The following MRM1 variants were observed in gnomAD, a reference collection of about 807,000 sequenced individuals.
MRM1 encodes mitochondrial rRNA methyltransferase 1, also known as rRNA methyltransferase 1, mitochondrial.
Under a neutral mutation model 25.0 loss-of-function variants are expected in MRM1, and 24 were observed. The observed-to-expected ratio is 0.96, with a 90% CI of 0.69 to 1.35. The LOEUF is 1.35. Among genes scored for constraint, MRM1 ranks in the 40% most tolerant of loss-of-function variants. The pLI, the probability that MRM1 is intolerant of heterozygous loss-of-function variation, is 0.00. For synonymous variants in MRM1, 188 were observed against 199.2 expected (o/e 0.94, Z 0.47); for missense variants, 431 against 464.1 (o/e 0.93, Z 0.65).
the MRM1 span, among the ~76,000 whole-genome samples, chr17:36,625,960 T>C: frequency 6.6e-6 from 1 of 150,482 alleles, no homozygotes; most frequent in African/African-American, 2.5e-5. Flanking sequence ...AAGCCTCCCC[T>C]GATGCTCCTA....
chr17:36,612,073 C>T (rs2074980065), downstream of MRM1, among the ~76,000 whole-genome samples: 3 of 152,174 alleles, frequency 2.0e-5, no homozygotes, highest in African/African-American at 7.2e-5. Context: ...CCAAGCCCAA[C>T]ATGGAATTTA....
the MRM1 span, among the ~76,000 whole-genome samples, chr17:36,616,105 A>G: frequency 6.6e-6 from 1 of 152,108 alleles, no homozygotes; most frequent in East Asian, 1.9e-4. Context: ...TCCCTGCCCC[A>G]CTTAGACCTT....
chr17:36,622,204 C>T, the MRM1 span, among the ~76,000 whole-genome samples: 1 of 152,132 alleles, frequency 6.6e-6, no homozygotes, highest in Non-Finnish European at 1.5e-5. Context: ...CTCCTGCCCC[C>T]TCCTGTCCCT....
At chr17:36,626,500 T>C in the MRM1 span, among the ~76,000 whole-genome samples, 5 of 152,162 alleles carry the variant, frequency 3.3e-5, no homozygotes, top group African/African-American at 1.2e-4. Flanking sequence ...CTAGCTGTGA[T>C]TACAGGCGCC....
In MRM1 at chr17:36,608,401, CA is replaced by C; in HGVS notation, c.1052del (p.Asn351MetfsTer42). The C allele has an allele frequency of 6.4e-7, 1 of 1,574,432 alleles. No homozygotes were observed. The highest frequency in any genetic ancestry group is 8.6e-7 in the Non-Finnish European group (1 of 1,161,654). ...GTCTTCAGGCCCAGAGAAAGAGAGGCAAAATGAGGGCTGACGTGGACTGTCC... is the reference window on the plus strand; with the variant it reads ...GTCTTCAGGCCCAGAGAAAGAGAGGCAAATGAGGGCTGACGTGGACTGTCC... The part of the protein sequence containing the change: ...GLSSGPEKER[Q>X]NEG On this transcript the variant is annotated frameshift_variant, in exon 5 of 5. Coordinates refer to ENST00000614766, the MANE Select transcript of MRM1 (RefSeq NM_024864.5). LOFTEE classifies it high-confidence loss of function.
chr17:36,615,979 T>G, the MRM1 span, among the ~76,000 whole-genome samples: 5 of 149,586 alleles, frequency 3.3e-5, no homozygotes, highest in Admixed American at 6.6e-5. Context: ...GGCGACAGAG[T>G]GAGACTGTCT....
At position 36,607,844 on chromosome 17, in the gene MRM1, C is replaced by T. The variant is rs73993038; in HGVS notation, c.769+42C>T. ...GCGTTTGTGCCCAGATTACATTTCC[C>T]GAGCAACTGGGTGTCCAGCTGGGCA... On this transcript the variant is annotated intron_variant, in intron 3 of 4. Transcript: ENST00000614766. 2,725 of 1,611,338 alleles carry T rather than the reference C, an allele frequency of 1.7e-3. 30 individuals carry two copies. The African/African-American group carries it at 0.033, about 20-fold the overall frequency.
chr17:36,612,636 G>A (rs1368124745), downstream of MRM1, among the ~76,000 whole-genome samples: 1 of 152,202 alleles, frequency 6.6e-6, no homozygotes, highest in Non-Finnish European at 1.5e-5. Context: ...TTAAGAGCAG[G>A]AGCCTGGCTG....
At chr17:36,621,243 A>G in the MRM1 span, among the ~76,000 whole-genome samples, 10 of 152,066 alleles carry the variant, frequency 6.6e-5, no homozygotes, top group African/African-American at 2.2e-4. Flanking sequence ...ACTGCTCCCC[A>G]TGGCTTGGTC....
the MRM1 span, among the ~76,000 whole-genome samples, chr17:36,618,655 C>T: frequency 3.0e-4 from 45 of 152,242 alleles, no homozygotes; most frequent in African/African-American, 1.1e-3. Context: ...CCACTGGGAG[C>T]GGACAGCCCA....
chr17:36,610,381 C>T (rs914600397), downstream of MRM1, among the ~76,000 whole-genome samples: 4 of 151,970 alleles, frequency 2.6e-5, no homozygotes, highest in African/African-American at 4.8e-5. Flanking sequence ...TACAGGCGCC[C>T]GCCACCAAGC....
At chr17:36,633,353 G>A in the MRM1 span, among the ~76,000 whole-genome samples, 4 of 152,214 alleles carry the variant, frequency 2.6e-5, no homozygotes, top group African/African-American at 4.8e-5. Flanking sequence ...TCAGCTTGGC[G>A]TCTGGGGCCC....
chr17:36,612,716 A>T (rs1260526566), downstream of MRM1, among the ~76,000 whole-genome samples: 1 of 152,176 alleles, frequency 6.6e-6, no homozygotes, highest in Non-Finnish European at 1.5e-5. Flanking sequence ...ATGTCCCTTA[A>T]ATTCCAAGCC....
Position 36,608,766 on chromosome 17 carries a change from C to A in MRM1, c.*351C>A. ...GGGGACCCGTTCCTCTTGAACCAGT[C>A]ATTGCCTGTGGCAAATGTGTGTATG... On this transcript the variant is annotated 3_prime_UTR_variant, in exon 5 of 5. Coordinates refer to ENST00000614766, the MANE Select transcript of MRM1 (RefSeq NM_024864.5). 4.1e-6 allele frequency: 1 copy of A among 243,658 alleles called. No individual in the cohort carries two copies. Among genetic ancestry groups the A allele is most frequent in the Non-Finnish European group, 7.8e-6 (1 of 127,536 alleles). The allele number at this position is 243,658 out of a possible 1,614,324, so 15.1% of individuals were successfully genotyped here. A position where few individuals can be genotyped will look rare whatever the true frequency, so the allele number is the denominator to read the frequency against.
chr17:36,630,667 C>T, the MRM1 span, among the ~76,000 whole-genome samples: 4 of 152,220 alleles, frequency 2.6e-5, no homozygotes, highest in African/African-American at 7.2e-5. Context: ...ATTGACTTCC[C>T]GGTCCCATTG....
chr17:36,627,684 T>TTG, the MRM1 span, among the ~76,000 whole-genome samples: 7 of 146,544 alleles, frequency 4.8e-5, no homozygotes, highest in Admixed American at 4.7e-4. Context: ...GTTTTTTTTT[T>TTG]TTTTTTTTTT....
the MRM1 span, among the ~76,000 whole-genome samples, chr17:36,620,876 G>A: frequency 1.9e-3 from 292 of 152,286 alleles, no homozygotes; most frequent in African/African-American, 6.8e-3. Flanking sequence ...GACTGGAAGA[G>A]AGGAAGAGAG....
chr17:36,609,320 A>G (rs1437506093), downstream of MRM1, among the ~76,000 whole-genome samples: 3 of 152,318 alleles, frequency 2.0e-5, no homozygotes, highest in East Asian at 5.8e-4. Flanking sequence ...AAAAAACCCA[A>G]CACTGACACC....
the MRM1 span, among the ~76,000 whole-genome samples, chr17:36,632,983 G>A: frequency 9.9e-5 from 15 of 152,202 alleles, no homozygotes; most frequent in African/African-American, 3.4e-4. Flanking sequence ...AACGGAAAGG[G>A]CGTTGTTCCC....
Sources: gnomAD v4.1 joint callset for allele counts (sites outside exome capture counted in the v4.1 genomes callset) on GRCh38, gnomAD v4.1.1 for gene constraint, MANE v1.5 for transcripts, NCBI Gene and HGNC (gene_info 2026-07-23, HGNC 2026-07-21) for gene names.